ARID5B: variants seen among roughly 807,000 people sequenced by gnomAD.
ARID5B encodes the protein AT-rich interactive domain-containing protein 5B.
In ARID5B, 13 loss-of-function variants were observed where a neutral mutation model predicts 97.2. The observed-to-expected ratio is 0.13, with a 90% confidence interval of 0.09 to 0.21. ARID5B has a LOEUF of 0.21. ARID5B is among the 10% of genes least tolerant of loss of function. The pLI is 1.00. For synonymous variants in ARID5B, 556 were observed against 570.3 expected (o/e 0.97, Z 0.36); for missense variants, 1,210 against 1,465.3 (o/e 0.83, Z 2.84).
chr10:61,928,163 C>T (rs79935228), intron 2 of ARID5B, among the ~76,000 whole-genome samples: 5,691 of 152,234 alleles, frequency 0.037, 370 homozygotes, highest in African/African-American at 0.13. Context: ...CACCCCTCTG[C>T]GGCCCTTTAG....
intron 1 of ARID5B, among the ~76,000 whole-genome samples, chr10:61,901,949 A>G (rs1843622427): frequency 6.6e-6 from 1 of 150,474 alleles, no homozygotes; most frequent in Middle Eastern, 3.5e-3. Flanking sequence ...GGAGGTGGGT[A>G]GAAGTGGCGG....
rs528806410 is a variant in ARID5B, at chr10:62,038,216, T to C, written c.734-12672T>C. On this transcript the variant is annotated intron_variant, in intron 4 of 9. Coordinates refer to ENST00000279873, the MANE Select transcript of ARID5B (RefSeq NM_032199.3). ...AATTTTAAATGGTGTTTTTAAAAGATAAATACCCAATTGGGTAACTGACTA... is the reference window on the plus strand; with the variant it reads ...AATTTTAAATGGTGTTTTTAAAAGACAAATACCCAATTGGGTAACTGACTA... Among the ~76,000 whole-genome samples, 34 of 152,282 alleles carry C rather than the reference T, an allele frequency of 2.2e-4. 1 individual carries two copies. The highest frequency in any genetic ancestry group is 7.7e-4 in the African/African-American group (32 of 41,572).
rs901421239 is a variant in ARID5B, at chr10:62,094,272, A to G, written c.*1242A>G. 4.3e-6 allele frequency: 1 copy of G among 231,588 alleles called. No homozygotes were observed. The highest frequency in any genetic ancestry group is 2.2e-5 in the African/African-American group (1 of 45,256). The allele number at this position is 231,588 out of a possible 1,614,324, so 14.3% of individuals were successfully genotyped here. ...ATGGAGCTCAACTGGCCAGAAGAGG[A>G]GCAGCTGCAGTCCTGATAGCTTCTC... On this transcript the variant is annotated 3_prime_UTR_variant, in exon 10 of 10. Transcript: ENST00000279873.
intron 3 of ARID5B, among the ~76,000 whole-genome samples, chr10:61,949,394 T>G (rs921563201): frequency 2.6e-5 from 4 of 152,286 alleles, no homozygotes; most frequent in Admixed American, 2.6e-4. Context: ...CCCAACACTT[T>G]GGGAGGCCAA....
intron 3 of ARID5B, among the ~76,000 whole-genome samples, chr10:61,967,542 C>G (rs1341595706): frequency 6.6e-6 from 1 of 152,166 alleles, no homozygotes; most frequent in Non-Finnish European, 1.5e-5. Context: ...TGTCATGCAC[C>G]CTACAGCAAA....
At chr10:61,917,527 C>T (rs1211534060) in intron 2 of ARID5B, among the ~76,000 whole-genome samples, 2 of 152,192 alleles carry the variant, frequency 1.3e-5, no homozygotes, top group East Asian at 3.9e-4. Context: ...TGAGGTTTTG[C>T]CATGTTGGTC....
chr10:61,906,933 G>A (rs1200050382), intron 2 of ARID5B, among the ~76,000 whole-genome samples: 2 of 152,152 alleles, frequency 1.3e-5, no homozygotes, highest in Admixed American at 6.5e-5. Context: ...TATGTAAAAT[G>A]CATATGCCCA....
chr10:61,999,224 A>G (rs532387919), intron 3 of ARID5B, among the ~76,000 whole-genome samples: 2 of 152,370 alleles, frequency 1.3e-5, no homozygotes, highest in Non-Finnish European at 2.9e-5. Context: ...TTTTAGACCC[A>G]TGGACATCTT....
intron 9 of ARID5B, among the ~76,000 whole-genome samples, chr10:62,086,614 T>C (rs561370935): frequency 7.1e-6 from 1 of 141,330 alleles, no homozygotes; most frequent in East Asian, 2.1e-4. Flanking sequence ...GGCAGGAGAA[T>C]GGCATGAACC....
chr10:61,946,042 C>T (rs1844493176), intron 3 of ARID5B, among the ~76,000 whole-genome samples: 1 of 147,424 alleles, frequency 6.8e-6, no homozygotes, highest in Non-Finnish European at 1.5e-5. Flanking sequence ...GTAATATATA[C>T]CATATAACAT....
chr10:61,987,621 C>T (rs1390061486), intron 3 of ARID5B, among the ~76,000 whole-genome samples: 1 of 152,214 alleles, frequency 6.6e-6, no homozygotes. Flanking sequence ...AAATGCACCA[C>T]TCTATAATCA....
intron 3 of ARID5B, among the ~76,000 whole-genome samples, chr10:61,969,865 A>G (rs1368096150): frequency 6.6e-6 from 1 of 152,146 alleles, no homozygotes; most frequent in African/African-American, 2.4e-5. Flanking sequence ...TGATTTCCGT[A>G]CTAAATTACC....
chr10:62,018,251 G>A (rs913506704), intron 4 of ARID5B, among the ~76,000 whole-genome samples: 3 of 152,256 alleles, frequency 2.0e-5, no homozygotes, highest in Admixed American at 1.3e-4. Context: ...ACCTCCATCC[G>A]AAGGTTGGCA....
intron 5 of ARID5B, among the ~76,000 whole-genome samples, chr10:62,055,536 A>T (rs765735654): frequency 6.6e-6 from 1 of 152,228 alleles, no homozygotes; most frequent in African/African-American, 2.4e-5. Context: ...TATAGATTTC[A>T]TCAGAACTTT....
intron 3 of ARID5B, among the ~76,000 whole-genome samples, chr10:61,958,408 T>G (rs770574728): frequency 6.6e-6 from 1 of 151,864 alleles, no homozygotes; most frequent in South Asian, 2.1e-4. Context: ...TTTGTATTTT[T>G]AGTAGAGACG....
intron 8 of ARID5B, among the ~76,000 whole-genome samples, chr10:62,070,659 C>T (rs1840051728): frequency 6.6e-6 from 1 of 152,114 alleles, no homozygotes; most frequent in Admixed American, 6.5e-5. Flanking sequence ...GGCCGTTCAA[C>T]AAGAATGTTT....
intron 3 of ARID5B, among the ~76,000 whole-genome samples, chr10:61,982,637 T>G (rs926306599): frequency 6.6e-6 from 1 of 152,200 alleles, no homozygotes; most frequent in Non-Finnish European, 1.5e-5. Context: ...GCCCAAGATA[T>G]CATGTGGTGG....
intron 2 of ARID5B, among the ~76,000 whole-genome samples, chr10:61,927,599 G>A (rs1370726384): frequency 1.3e-5 from 2 of 152,168 alleles, no homozygotes; most frequent in Non-Finnish European, 2.9e-5. Context: ...AAAAATATTT[G>A]CAATTGAGGT....
chr10:61,943,748 A>AG (rs1844454966), intron 3 of ARID5B, among the ~76,000 whole-genome samples: 1 of 152,092 alleles, frequency 6.6e-6, no homozygotes, highest in African/African-American at 2.4e-5. Context: ...TAGTAAAAAA[A>AG]AAAAACAAGA....
Sources: gnomAD v4.1 joint callset for allele counts (sites outside exome capture counted in the v4.1 genomes callset) on GRCh38, gnomAD v4.1.1 for gene constraint, MANE v1.5 for transcripts, NCBI Gene and HGNC (gene_info 2026-07-23, HGNC 2026-07-21) for gene names.